The following PRUNE1 variants were observed in gnomAD, a reference collection of about 807,000 sequenced individuals.
The protein encoded by PRUNE1 is prune exopolyphosphatase 1.
Under a neutral mutation model 42.5 loss-of-function variants are expected in PRUNE1, and 25 were observed. That is an observed-to-expected ratio of 0.59 (90% CI 0.43 to 0.82). The LOEUF (loss-of-function observed/expected upper bound fraction) is 0.82, where lower values mean the gene tolerates loss of function less well. Ranked by LOEUF, PRUNE1 falls within the 40% of genes least tolerant of loss-of-function variation. PRUNE1 has a pLI of 0.00. For synonymous variants in PRUNE1, 203 were observed against 217.1 expected (o/e 0.93, Z 0.57); for missense variants, 443 against 539.3 (o/e 0.82, Z 1.77).
At chr1:151,024,493 C>T (rs1674693789) in intron 3 of PRUNE1, 118 bp from the exon 4 acceptor site, 1 of 991,304 alleles carries the variant, frequency 1.0e-6, no homozygotes, top group Admixed American at 2.3e-5. Context: ...GAAACTCCGT[C>T]TCAAAAAAAA....
At chr1:151,017,448 C>T (rs184150710) in intron 1 of PRUNE1, among the ~76,000 whole-genome samples, 261 of 152,078 alleles carry the variant, frequency 1.7e-3, no homozygotes, top group African/African-American at 6.1e-3. Flanking sequence ...TGAAGCCCTA[C>T]ATGAGTATAA....
chr1:151,015,328 A>G (rs1283188369), intron 1 of PRUNE1, among the ~76,000 whole-genome samples: 1 of 122,478 alleles, frequency 8.2e-6, no homozygotes, highest in Non-Finnish European at 1.7e-5. Flanking sequence ...GTGAGACTCC[A>G]TCTGAAAAAA....
Position 151,022,471 on chromosome 1 carries a change from T to C in PRUNE1, c.336-2140T>C, listed in dbSNP as rs192395631. On this transcript the variant is annotated intron_variant, in intron 3 of 7. Coordinates refer to ENST00000271620, the MANE Select transcript of PRUNE1 (RefSeq NM_021222.3). ...TCTCGCTCTGTCGCCCAGGCTGGAG[T>C]GCACTGGCGCGATCTCGGCTCACTG... 3.6e-4 allele frequency among the ~76,000 whole-genome samples: 52 copies of C among 145,670 alleles called. 1 individual carries two copies. Among genetic ancestry groups the C allele is most frequent in the Admixed American group, 1.6e-3 (22 of 14,108 alleles).
intron 1 of PRUNE1, among the ~76,000 whole-genome samples, chr1:151,015,767 C>T (rs1674071686): frequency 6.6e-6 from 1 of 151,952 alleles, no homozygotes; most frequent in South Asian, 2.1e-4. Flanking sequence ...TTGCGCCATG[C>T]ACTCCAGCCT....
chr1:151,008,590 A>G lies in PRUNE1; in HGVS notation c.-43A>G, dbSNP rs1673493546. The G allele has an allele frequency of 1.2e-6, 2 of 1,611,198 alleles. No individual in the cohort carries two copies. Among genetic ancestry groups the G allele is most frequent in the Admixed American group, 3.3e-5 (2 of 59,990 alleles). On this transcript the variant is annotated 5_prime_UTR_variant, in exon 1 of 8. Coordinates refer to ENST00000271620, the MANE Select transcript of PRUNE1 (RefSeq NM_021222.3). Reference sequence around the variant, plus strand: ...GGGAAACCTCTCCTCGACCAGGGGCACCTCTACTCGACCAGGGGCGACGGC... The same window carrying G: ...GGGAAACCTCTCCTCGACCAGGGGCGCCTCTACTCGACCAGGGGCGACGGC...
At chr1:151,010,611 G>A (rs1301408589) in intron 1 of PRUNE1, among the ~76,000 whole-genome samples, 1 of 151,578 alleles carries the variant, frequency 6.6e-6, no homozygotes. Flanking sequence ...CTCTAGGAAG[G>A]TTAACAGGGG....
In PRUNE1 at chr1:151,034,044, G is replaced by A. The variant is rs202072956; in HGVS notation, c.1172G>A (p.Ser391Asn). 238 of 1,614,206 alleles carry A rather than the reference G, an allele frequency of 1.5e-4. No homozygotes were observed. Among genetic ancestry groups the A allele is most frequent in the Admixed American group, 7.0e-4 (42 of 60,016 alleles). Residue 391 changes from serine to asparagine, a missense_variant, in exon 8 of 8, where the codon AGT becomes AAT. Coordinates refer to ENST00000271620, the MANE Select transcript of PRUNE1 (RefSeq NM_021222.3). ...GTGGACAAGGAATTGGACAGGGCAA[G>A]TAACTCCCTGATTTCTGGCCTGAGT... Reference protein sequence around the residue: ...EQVDKELDRASNSLISGLSQD... With the variant: ...EQVDKELDRANNSLISGLSQD...
intron 7 of PRUNE1, among the ~76,000 whole-genome samples, chr1:151,029,827 G>T (rs963574623): frequency 7.9e-5 from 12 of 152,044 alleles, no homozygotes; most frequent in Admixed American, 3.3e-4. Context: ...GACCTTTTCT[G>T]CTACTTACTA....
intron 7 of PRUNE1, among the ~76,000 whole-genome samples, chr1:151,033,433 C>G (rs1462835595): frequency 3.4e-5 from 5 of 147,908 alleles, no homozygotes; most frequent in Non-Finnish European, 7.5e-5. Flanking sequence ...CTCTGTCGCC[C>G]AGGCTGGAGT....
chr1:151,018,709 A>G, intron 3 of PRUNE1, 40 bp downstream of exon 3: 3 of 1,562,848 alleles, frequency 1.9e-6, no homozygotes, highest in Non-Finnish European at 2.6e-6. Flanking sequence ...ATCATGTACC[A>G]TGCTGGGCTC....
At chr1:151,014,230 C>T (rs587690583) in intron 1 of PRUNE1, among the ~76,000 whole-genome samples, 4 of 152,294 alleles carry the variant, frequency 2.6e-5, no homozygotes, top group African/African-American at 4.8e-5. Flanking sequence ...CTGTCCGCCT[C>T]GGCCTCCCAA....
At chr1:151,019,691 A>C (rs1441468588) in intron 3 of PRUNE1, among the ~76,000 whole-genome samples, 1 of 151,676 alleles carries the variant, frequency 6.6e-6, no homozygotes, top group African/African-American at 2.4e-5. Flanking sequence ...TTTAGAGAAG[A>C]GGGTCTTGCT....
chr1:151,022,442 G>T (rs1460952923), intron 3 of PRUNE1, among the ~76,000 whole-genome samples: 5 of 118,812 alleles, frequency 4.2e-5, no homozygotes, highest in Non-Finnish European at 8.4e-5. Flanking sequence ...TTTAAGAGAC[G>T]TAGTCTCGCT....
In PRUNE1 at chr1:151,028,872, C is replaced by T; in HGVS notation, c.861C>T (p.Ile287=). Residue 287 remains isoleucine, a synonymous_variant, in exon 7 of 8, where the codon ATC becomes ATT. Transcript: ENST00000271620. Reference sequence around the variant, plus strand: ...ATGATGTCCTGGTTGCCATGACTATCTTTTTCAACACTCACAATGAGCCAG... The same window carrying T: ...ATGATGTCCTGGTTGCCATGACTATTTTTTTCAACACTCACAATGAGCCAG... ...HSYDVLVAMT[I]FFNTHNEPVR... The T allele has an allele frequency of 6.2e-7, 1 of 1,613,946 alleles. No homozygotes were observed. The highest frequency in any genetic ancestry group is 8.5e-7 in the Non-Finnish European group (1 of 1,179,862).
At position 151,034,446 on chromosome 1, in the gene PRUNE1, C is replaced by T. The variant is rs1005766499; in HGVS notation, c.*212C>T. On this transcript the variant is annotated 3_prime_UTR_variant, in exon 8 of 8. Transcript: ENST00000271620. Reference sequence around the variant, plus strand: ...CCCCCTAATCTCTACCAATCAGACACATTTTATTATTTAAATCTGCACCTC... The same window carrying T: ...CCCCCTAATCTCTACCAATCAGACATATTTTATTATTTAAATCTGCACCTC... The T allele has an allele frequency of 1.8e-6, 1 of 554,732 alleles. No homozygotes were observed. The highest frequency in any genetic ancestry group is 3.2e-6 in the Non-Finnish European group (1 of 314,124). The allele number at this position is 554,732 out of a possible 1,614,324, so 34.4% of individuals were successfully genotyped here. A position where few individuals can be genotyped will look rare whatever the true frequency, so the allele number is the denominator to read the frequency against.
intron 6 of PRUNE1, among the ~76,000 whole-genome samples, chr1:151,028,484 C>T (rs587650308): frequency 2.0e-5 from 3 of 152,168 alleles, no homozygotes; most frequent in South Asian, 2.1e-4. Context: ...AGTGCAATGG[C>T]GCAATCTCAG....
chr1:151,024,838 T>C, intron 4 of PRUNE1, 43 bp downstream of exon 4: 1 of 1,554,022 alleles, frequency 6.4e-7, no homozygotes, highest in Non-Finnish European at 8.7e-7. Flanking sequence ...GTTCTATTCC[T>C]GTCCCTGAGA....
At chr1:151,015,428 G>A (rs1674049380) in intron 1 of PRUNE1, among the ~76,000 whole-genome samples, 1 of 151,614 alleles carries the variant, frequency 6.6e-6, no homozygotes, top group Non-Finnish European at 1.5e-5. Context: ...GAGGTCAGGA[G>A]TTCAAGACCA....
At chr1:151,030,394 T>A (rs2102941443) in intron 7 of PRUNE1, among the ~76,000 whole-genome samples, 1 of 152,320 alleles carries the variant, frequency 6.6e-6, no homozygotes, top group East Asian at 1.9e-4. Flanking sequence ...TGTCTGTCCT[T>A]TCCCGCCCCC....
Sources: allele counts gnomAD v4.1 joint callset (sites outside exome capture counted in the v4.1 genomes callset), GRCh38; gene constraint gnomAD v4.1.1; transcripts MANE v1.5; gene names NCBI Gene and HGNC (gene_info 2026-07-23, HGNC 2026-07-21).